Variants in TMEM165 observed in about 807,000 individuals in gnomAD.
TMEM165 encodes the protein transmembrane protein 165, also known as putative divalent cation/proton antiporter TMEM165.
In TMEM165, 19 loss-of-function variants were observed where a neutral mutation model predicts 30.0. That is an observed-to-expected ratio of 0.63 (90% confidence interval 0.44 to 0.93). The LOEUF (loss-of-function observed/expected upper bound fraction) is 0.93. TMEM165 is among the 40% of genes least tolerant of loss of function. The pLI, the probability that TMEM165 is intolerant of heterozygous loss-of-function variation, is 0.00. For missense variants in TMEM165, 340 were observed against 417.0 expected (o/e 0.82, Z 1.61); for synonymous variants, 168 against 162.9 (o/e 1.03, Z -0.24).
chr4:55,441,740 AG>A (rs538671922), intron 3 of TMEM165, among the ~76,000 whole-genome samples: 78 of 152,268 alleles, frequency 5.1e-4, no homozygotes, highest in South Asian at 5.0e-3. Context: ...GGTGGGGGTG[AG>A]GGATAAAAAA....
intron 1 of TMEM165, among the ~76,000 whole-genome samples, chr4:55,400,284 T>TATATA (rs1560385929): frequency 3.5e-4 from 36 of 103,160 alleles, no homozygotes; most frequent in African/African-American, 1.5e-3. Context: ...TATAATATTA[T>TATATA]ATATTATATA....
chr4:55,451,834 C>G (rs1229468009), intron 3 of TMEM165, among the ~76,000 whole-genome samples: 2 of 152,140 alleles, frequency 1.3e-5, no homozygotes, highest in African/African-American at 4.8e-5. Flanking sequence ...AAAGTTCTTT[C>G]ACGTGGGATC....
chr4:55,435,293 G>C (rs1336315883), intron 3 of TMEM165: 7 of 1,162,896 alleles, frequency 6.0e-6, no homozygotes, highest in Admixed American at 1.9e-5. Context: ...CCAGGAACTA[G>C]AACACTCAAT....
chr4:55,417,287 C>T, intron 3 of TMEM165, 40 bp downstream of exon 3: 1 of 1,584,514 alleles, frequency 6.3e-7, no homozygotes, highest in Non-Finnish European at 8.6e-7. Flanking sequence ...AAAAGGCACT[C>T]AACTAGGAAT....
At chr4:55,398,685 C>A (rs1419239624) in intron 1 of TMEM165, among the ~76,000 whole-genome samples, 1 of 152,088 alleles carries the variant, frequency 6.6e-6, no homozygotes, top group African/African-American at 2.4e-5. Flanking sequence ...TTATCTGCCC[C>A]TACTAGCTTT....
chr4:55,426,462 A>AT (rs1722205729), downstream of TMEM165, among the ~76,000 whole-genome samples: 1 of 152,088 alleles, frequency 6.6e-6, no homozygotes, highest in African/African-American at 2.4e-5. Context: ...AGACTACCTC[A>AT]TTTTTTCATG....
At chr4:55,396,780 G>T (rs910557075) in intron 1 of TMEM165, among the ~76,000 whole-genome samples, 10 of 152,178 alleles carry the variant, frequency 6.6e-5, no homozygotes, top group Non-Finnish European at 1.3e-4. Context: ...CATCACATCG[G>T]CCATTTCATT....
At position 55,420,146 on chromosome 4, in the gene TMEM165, T is replaced by TATATATATATA. The variant is rs375498267; in HGVS notation, c.792+2161_792+2162insATATATATATA. 1.0e-3 allele frequency among the ~76,000 whole-genome samples: 42 copies of TATATATATATA among 41,554 alleles called. 2 individuals carry two copies. The highest frequency in any genetic ancestry group is 1.7e-3 in the East Asian group (1 of 586). 27.3% of individuals were successfully genotyped at this position (41,554 alleles called of 152,430 possible). A position where few individuals can be genotyped will look rare whatever the true frequency, so the allele number is the denominator to read the frequency against. On this transcript the variant is annotated intron_variant, in intron 4 of 5. Coordinates refer to ENST00000381334, the MANE Select transcript of TMEM165 (RefSeq NM_018475.5). Reference sequence around the variant, plus strand: ...ACATATATATTTATTTATTTATTTATTTTATTTATTTATTTAATGGCTGTA... The same window carrying TATATATATATA: ...ACATATATATTTATTTATTTATTTATATATATATATATTTATTTATTTATTTAATGGCTGTA...
chr4:55,449,722 T>C (rs1289085973), intron 3 of TMEM165, among the ~76,000 whole-genome samples: 1 of 152,170 alleles, frequency 6.6e-6, no homozygotes, highest in Non-Finnish European at 1.5e-5. Context: ...AAAAAGTCAC[T>C]AATTTAATGA....
At chr4:55,445,564 A>G (rs1304876151) in intron 3 of TMEM165, among the ~76,000 whole-genome samples, 2 of 123,682 alleles carry the variant, frequency 1.6e-5, no homozygotes, top group Non-Finnish European at 3.5e-5. Flanking sequence ...TGCTCTCTGC[A>G]TCTGCTATTT....
intron 4 of TMEM165, chr4:55,418,206 C>G: frequency 2.3e-6 from 1 of 425,754 alleles, no homozygotes; most frequent in Non-Finnish European, 4.1e-6. Flanking sequence ...TCTTTTTACT[C>G]ATCCTTTTCC....
intron 1 of TMEM165, among the ~76,000 whole-genome samples, chr4:55,397,782 T>A (rs984643144): frequency 4.6e-5 from 7 of 152,114 alleles, no homozygotes; most frequent in Admixed American, 3.9e-4. Flanking sequence ...GGTCTCGCTC[T>A]GTCGCCCAGG....
At chr4:55,400,427 TA>T (rs1367148527) in intron 1 of TMEM165, among the ~76,000 whole-genome samples, 98 of 133,524 alleles carry the variant, frequency 7.3e-4, no homozygotes, top group Non-Finnish European at 3.6e-4. Flanking sequence ...TATTAAAATA[TA>T]AAAATATAAT....
intron 1 of TMEM165, among the ~76,000 whole-genome samples, chr4:55,399,984 T>C (rs997943996): frequency 6.7e-6 from 1 of 148,286 alleles, no homozygotes; most frequent in Admixed American, 6.8e-5. Context: ...TTTTGTATTA[T>C]AATAGAATAT....
At chr4:55,450,339 G>T in intron 3 of TMEM165, 1 of 1,289,268 alleles carries the variant, frequency 7.8e-7, no homozygotes, top group South Asian at 1.2e-5. Context: ...TCTATAACAA[G>T]GCAAAAGTAC....
rs1722159838 is a variant in TMEM165, at chr4:55,425,522, C to T, written c.*70C>T. 1 of 1,210,022 alleles carries T rather than the reference C, an allele frequency of 8.3e-7. No individual in the cohort carries two copies. The highest frequency in any genetic ancestry group is 1.5e-5 in the African/African-American group (1 of 66,022). The allele number at this position is 1,210,022 out of a possible 1,614,324, so 75.0% of individuals were successfully genotyped here. A position where few individuals can be genotyped will look rare whatever the true frequency, so the allele number is the denominator to read the frequency against. On this transcript the variant is annotated 3_prime_UTR_variant, in exon 6 of 6. Coordinates refer to ENST00000381334, the MANE Select transcript of TMEM165 (RefSeq NM_018475.5). ...ATCTTTCTGTACATAGTGTACATTA[C>T]AACTAAAAGTGATGGAAAAATACTG...
chr4:55,438,231 A>G, intron 3 of TMEM165: 2 of 1,600,130 alleles, frequency 1.2e-6, no homozygotes, highest in Non-Finnish European at 1.7e-6. Context: ...GCTTAATTTC[A>G]TTACATGAAA....
chr4:55,427,277 C>T (rs1213537247), downstream of TMEM165, among the ~76,000 whole-genome samples: 1 of 151,132 alleles, frequency 6.6e-6, no homozygotes, highest in Non-Finnish European at 1.5e-5. Flanking sequence ...ACCTTATGAT[C>T]CGCCCACCTC....
intron 3 of TMEM165, chr4:55,450,236 T>C (rs1487523741): frequency 1.2e-6 from 2 of 1,613,968 alleles, no homozygotes; most frequent in Non-Finnish European, 1.7e-6. Context: ...CTTGGCTCTA[T>C]GGAGACAGAG....
Sources: gnomAD v4.1 joint callset for allele counts (sites outside exome capture counted in the v4.1 genomes callset) on GRCh38, gnomAD v4.1.1 for gene constraint, MANE v1.5 for transcripts, NCBI Gene and HGNC (gene_info 2026-07-23, HGNC 2026-07-21) for gene names.